Variants in FAM209A observed in about 807,000 individuals in gnomAD.
FAM209A encodes the protein family with sequence similarity 209 member A, also known as protein FAM209A.
Under a neutral mutation model 9.8 loss-of-function variants are expected in FAM209A, and 4 were observed. The ratio of observed to expected loss-of-function variants is 0.41; its 90% confidence interval spans 0.20 to 0.94. FAM209A has a LOEUF of 0.94. FAM209A is among the 40% of genes least tolerant of loss of function. The pLI is 0.32. For synonymous variants in FAM209A, 55 were observed against 77.8 expected (o/e 0.71, Z 1.54); for missense variants, 205 against 209.4 (o/e 0.98, Z 0.13).
downstream of FAM209A, among the ~76,000 whole-genome samples, chr20:56,526,972 T>A (rs1985555228): frequency 6.6e-6 from 1 of 152,190 alleles, no homozygotes; most frequent in South Asian, 2.1e-4. Context: ...TGGATACAAG[T>A]GTGCTAACCA....
At chr20:56,525,773 T>A in intron 1 of FAM209A, 31 bp from the exon 2 acceptor site, 1 of 1,604,112 alleles carries the variant, frequency 6.2e-7, no homozygotes, top group South Asian at 1.1e-5. Flanking sequence ...AAGTTCACAA[T>A]ATTACTGACC....
At chr20:56,529,449 G>A (rs111380074), downstream of FAM209A, among the ~76,000 whole-genome samples, 8,974 of 152,150 alleles carry the variant, frequency 0.059, 391 homozygotes, top group Middle Eastern at 0.22. Flanking sequence ...CCCTGGAGGC[G>A]GAGGCTGCAG....
At chr20:56,527,767 A>C (rs1374826740), downstream of FAM209A, among the ~76,000 whole-genome samples, 4 of 152,232 alleles carry the variant, frequency 2.6e-5, no homozygotes, top group Non-Finnish European at 5.9e-5. Flanking sequence ...GGCGTCCCTC[A>C]AGGGTCCCAA....
At chr20:56,533,273 G>C in the FAM209A span, 51 of 1,594,512 alleles carry the variant, frequency 3.2e-5, no homozygotes, top group Non-Finnish European at 4.3e-5. Context: ...GGCACCAGGT[G>C]CCCAGTCTTC....
In FAM209A at chr20:56,524,835, C is replaced by G. The variant is rs141572814; in HGVS notation, c.27C>G (p.Val9=). The change falls in exon 1 of 2, where the codon GTC becomes GTG. Residue 9 remains valine (V), a synonymous_variant. Transcript: ENST00000371328. ...TGTGGACGCTGAAATCGTCCCTGGT[C>G]CTGCTTCTGTGCCTCACCTGCAGCT... MWTLKSSL[V]LLLCLTCSYA... 1.0e-4 allele frequency: 161 copies of G among 1,614,102 alleles called. No individual in the cohort carries two copies. Among genetic ancestry groups the G allele is most frequent in the Non-Finnish European group, 1.3e-4 (153 of 1,180,046 alleles).
In FAM209A at chr20:56,525,796, C is replaced by A; in HGVS notation, c.250-8C>A. ...AATATTACTGACCTTGAGTATCTTT[C>A]CTGACAGGAGCAGAGTCCTCCTGGC... On this transcript the variant is annotated splice_region_variant and splice_polypyrimidine_tract_variant and intron_variant, in intron 1 of 1. Coordinates refer to ENST00000371328, the MANE Select transcript of FAM209A (RefSeq NM_001012971.4). The A allele has an allele frequency of 6.2e-7, 1 of 1,611,666 alleles. No individual in the cohort carries two copies. The highest frequency in any genetic ancestry group is 8.5e-7 in the Non-Finnish European group (1 of 1,178,988).
downstream of FAM209A, among the ~76,000 whole-genome samples, chr20:56,529,178 A>AG (rs1422440431): frequency 6.6e-6 from 1 of 151,370 alleles, no homozygotes; most frequent in African/African-American, 2.4e-5. Flanking sequence ...ATTGCACTAC[A>AG]GCCTAAGTGA....
chr20:56,531,188 C>T, the FAM209A span, among the ~76,000 whole-genome samples: 11 of 152,238 alleles, frequency 7.2e-5, no homozygotes, highest in African/African-American at 2.4e-4. Flanking sequence ...CTGCTCTACT[C>T]AACCATCTTT....
chr20:56,527,167 G>A (rs1281284459), downstream of FAM209A, among the ~76,000 whole-genome samples: 4 of 151,458 alleles, frequency 2.6e-5, no homozygotes, highest in Admixed American at 1.3e-4. Flanking sequence ...CTGTTCCTTC[G>A]CCGATGATTG....
chr20:56,525,503 G>A (rs1241489350), intron 1 of FAM209A, among the ~76,000 whole-genome samples: 1 of 152,178 alleles, frequency 6.6e-6, no homozygotes, highest in Non-Finnish European at 1.5e-5. Context: ...AGATAAAGAT[G>A]TAAGGTAGTT....
Position 56,525,855 on chromosome 20 carries a change from A to C in FAM209A, c.301A>C (p.Lys101Gln). The C allele has an allele frequency of 6.2e-7, 1 of 1,614,090 alleles. No individual in the cohort carries two copies. Among genetic ancestry groups the C allele is most frequent in the Non-Finnish European group, 8.5e-7 (1 of 1,179,924 alleles). The change falls in exon 2 of 2, where the codon AAA (lysine) becomes CAA (glutamine). Residue 101 changes from lysine to glutamine, a missense_variant. By Grantham distance (53) the Lys-to-Gln change is moderately conservative. Transcript: ENST00000371328. ...CGGCCAACTTCACTCTCCATTAAAG[A>C]AAAAAAGAAATGCTTCCCCCAACAA... The part of the protein sequence containing the change: ...RGGQLHSPLK[K>Q]KRNASPNKDC...
downstream of FAM209A, among the ~76,000 whole-genome samples, chr20:56,530,568 G>A (rs1283258862): frequency 1.3e-5 from 2 of 152,032 alleles, no homozygotes; most frequent in Non-Finnish European, 2.9e-5. Context: ...CATCATCTGA[G>A]CTCATTGCAG....
Position 56,526,047 on chromosome 20 carries a change from T to A in FAM209A, c.493T>A (p.Trp165Arg), listed in dbSNP as rs149723126. The A allele has an allele frequency of 1.6e-5, 26 of 1,606,952 alleles. No homozygotes were observed. The highest frequency in any genetic ancestry group is 2.2e-5 in the Non-Finnish European group (26 of 1,176,276). The change falls in exon 2 of 2, where the codon TGG (tryptophan) becomes AGG (arginine). Residue 165 changes from tryptophan to arginine, a missense_variant. Physicochemically the swap from Trp to Arg is moderately radical, Grantham distance 101 (BLOSUM62 -3). Coordinates refer to ENST00000371328, the MANE Select transcript of FAM209A (RefSeq NM_001012971.4). ...ATACCATGTCACGATCTGTGAAATA[T>A]GGGGAGAAGAAAGCTCTAGCTGAAT... ...DPYHVTICEI[W>R]GEESSS
At chr20:56,527,482 A>T (rs1395960100), downstream of FAM209A, among the ~76,000 whole-genome samples, 1 of 152,156 alleles carries the variant, frequency 6.6e-6, no homozygotes, top group Non-Finnish European at 1.5e-5. Context: ...AAAATCCTTC[A>T]TTTAATTCAT....
At chr20:56,528,023 C>T (rs1228609191), downstream of FAM209A, among the ~76,000 whole-genome samples, 1 of 152,172 alleles carries the variant, frequency 6.6e-6, no homozygotes, top group African/African-American at 2.4e-5. Flanking sequence ...AGGAGAATCA[C>T]TTGAACCCAG....
chr20:56,531,273 T>C, the FAM209A span, among the ~76,000 whole-genome samples: 9 of 151,772 alleles, frequency 5.9e-5, no homozygotes, highest in Admixed American at 3.9e-4. Context: ...CCTGTTCTTA[T>C]CACAATTGTT....
At position 56,524,909 on chromosome 20, in the gene FAM209A, G is replaced by A. The variant is rs1166467705; in HGVS notation, c.101G>A (p.Gly34Glu). 1.2e-6 allele frequency: 2 copies of A among 1,613,724 alleles called. No individual in the cohort carries two copies. Among genetic ancestry groups the A allele is most frequent in the Admixed American group, 1.7e-5 (1 of 59,982 alleles). Residue 34 changes from glycine (G) to glutamate (E), a missense_variant, in exon 1 of 2, where the codon GGG becomes GAG. Transcript: ENST00000371328. ...SLRQKTSEPQ[G>E]KVQYGEHFRI... ...AGACAGAAAACTAGCGAACCCCAGG[G>A]GAAGGTGCAATACGGAGAGCACTTT...
At position 56,525,341 on chromosome 20, in the gene FAM209A, A is replaced by C. The variant is rs10451721; in HGVS notation, c.249+284A>C. On this transcript the variant is annotated intron_variant, in intron 1 of 1. Coordinates refer to ENST00000371328, the MANE Select transcript of FAM209A (RefSeq NM_001012971.4). ...AAATGTAGGATAGATTCAAGAACTT[A>C]TGGTGTGTTTCAGAAAGTCAAAATT... Among the ~76,000 whole-genome samples, 592 of 152,276 alleles carry C rather than the reference A, an allele frequency of 3.9e-3. 4 individuals carry two copies. Among genetic ancestry groups the C allele is most frequent in the African/African-American group, 0.013 (555 of 41,566 alleles).
At chr20:56,526,441 A>G (rs1349012278), downstream of FAM209A, among the ~76,000 whole-genome samples, 1 of 152,172 alleles carries the variant, frequency 6.6e-6, no homozygotes, top group African/African-American at 2.4e-5. Context: ...AAGATGCAGA[A>G]CTGCTTTTTA....
Sources: allele counts gnomAD v4.1 joint callset (sites outside exome capture counted in the v4.1 genomes callset), GRCh38; gene constraint gnomAD v4.1.1; transcripts MANE v1.5; gene names NCBI Gene and HGNC (gene_info 2026-07-23, HGNC 2026-07-21).